Variants in NAALADL2 observed in about 807,000 individuals in gnomAD.
NAALADL2 encodes the protein N-acetylated alpha-linked acidic dipeptidase like 2, also known as inactive N-acetylated-alpha-linked acidic dipeptidase-like protein 2.
A neutral mutation model predicts 87.2 loss-of-function variants in NAALADL2; 76 were observed. That is an observed-to-expected ratio of 0.87 (90% CI 0.72 to 1.05). NAALADL2 has a LOEUF of 1.05. Among genes scored for constraint, NAALADL2 ranks in the 50% least tolerant of loss-of-function variants. NAALADL2 has a pLI of 0.00. For missense variants in NAALADL2, 1,089 were observed against 945.8 expected (o/e 1.15, Z -1.99); for synonymous variants, 354 against 331.0 (o/e 1.07, Z -0.75).
chr3:174,920,736 C>T (rs958883049), intron 1 of NAALADL2, among the ~76,000 whole-genome samples: 5 of 152,180 alleles, frequency 3.3e-5, no homozygotes. Flanking sequence ...TGGGTTTTGG[C>T]TTACCTTGAC....
At chr3:174,780,495 C>G (rs959294947) in intron 3 of NAALADL2, among the ~76,000 whole-genome samples, 2 of 152,130 alleles carry the variant, frequency 1.3e-5, no homozygotes, top group African/African-American at 4.8e-5. Flanking sequence ...CCTGATTGCC[C>G]TGGCCAGAAC....
intron 4 of NAALADL2, among the ~76,000 whole-genome samples, chr3:175,311,558 T>C (rs1758363600): frequency 6.6e-6 from 1 of 152,104 alleles, no homozygotes; most frequent in African/African-American, 2.4e-5. Flanking sequence ...GGAATCAGTA[T>C]ATCTTATGAA....
intron 1 of NAALADL2, among the ~76,000 whole-genome samples, chr3:175,059,196 C>CT (rs1712896426): frequency 6.6e-6 from 1 of 150,772 alleles, no homozygotes; most frequent in Admixed American, 6.6e-5. Context: ...TTATTCATCT[C>CT]TTTTTTCCCA....
intron 5 of NAALADL2, among the ~76,000 whole-genome samples, chr3:175,416,414 T>A (rs994407051): frequency 6.6e-6 from 1 of 152,192 alleles, no homozygotes; most frequent in Non-Finnish European, 1.5e-5. Flanking sequence ...TGAAGACTGC[T>A]ATTTGTTTTA....
intron 2 of NAALADL2, among the ~76,000 whole-genome samples, chr3:175,183,518 C>T (rs551531593): frequency 6.6e-6 from 1 of 152,028 alleles, no homozygotes; most frequent in African/African-American, 2.4e-5. Flanking sequence ...CCTTCTATAT[C>T]TAATTTGTTG....
intron 13 of NAALADL2, among the ~76,000 whole-genome samples, chr3:175,798,231 G>A (rs996856103): frequency 4.6e-5 from 7 of 151,984 alleles, no homozygotes; most frequent in South Asian, 4.2e-4. Context: ...GTGAAAAAAC[G>A]TATTTCTACT....
intron 1 of NAALADL2, among the ~76,000 whole-genome samples, chr3:175,025,135 A>G (rs767801848): frequency 2.0e-5 from 3 of 152,160 alleles, no homozygotes; most frequent in Non-Finnish European, 2.9e-5. Context: ...TAATCTGATT[A>G]TTTTTAAAAA....
chr3:175,174,928 CTTCTTGTACACTATTAGGAA>C (rs1735491446), intron 2 of NAALADL2, among the ~76,000 whole-genome samples: 1 of 151,916 alleles, frequency 6.6e-6, no homozygotes, highest in African/African-American at 2.4e-5. Context: ...GACCATTAAT[CTTCTTGTACACTATTAGGAA>C]CATATAGAGT....
At chr3:174,723,273 C>T (rs909138958) in intron 2 of NAALADL2, among the ~76,000 whole-genome samples, 1 of 151,980 alleles carries the variant, frequency 6.6e-6, no homozygotes, top group African/African-American at 2.4e-5. Context: ...CTTTCTGAGC[C>T]TATTTCTGAG....
intron 10 of NAALADL2, among the ~76,000 whole-genome samples, chr3:175,586,054 A>G (rs1343713739): frequency 1.3e-5 from 2 of 152,212 alleles, no homozygotes. Context: ...AATAAACTCC[A>G]GTAGGAAATG....
chr3:174,892,158 C>A (rs529540509), intron 1 of NAALADL2, among the ~76,000 whole-genome samples: 1 of 152,154 alleles, frequency 6.6e-6, no homozygotes, highest in South Asian at 2.1e-4. Flanking sequence ...CTTCAATATC[C>A]AGACACTGAA....
chr3:175,485,403 G>A (rs1727107877), intron 9 of NAALADL2, among the ~76,000 whole-genome samples: 1 of 152,134 alleles, frequency 6.6e-6, no homozygotes, highest in African/African-American at 2.4e-5. Flanking sequence ...ACGATCACAA[G>A]GTATTAGTCC....
At chr3:175,013,100 A>ATG (rs1174317066) in intron 1 of NAALADL2, among the ~76,000 whole-genome samples, 1 of 4,192 alleles carries the variant, frequency 2.4e-4, no homozygotes, top group Non-Finnish European at 5.1e-4. Context: ...ATATATAAAT[A>ATG]TACATATTTA....
chr3:175,246,180 C>T (rs1747938953), intron 3 of NAALADL2, among the ~76,000 whole-genome samples: 1 of 152,126 alleles, frequency 6.6e-6, no homozygotes, highest in Admixed American at 6.5e-5. Flanking sequence ...CGTGGATAAT[C>T]ACTGTGATTT....
chr3:174,820,451 TGTTTA>T (rs1721293365), intron 3 of NAALADL2, among the ~76,000 whole-genome samples: 2 of 152,218 alleles, frequency 1.3e-5, no homozygotes, highest in East Asian at 3.8e-4. Context: ...AGAATTTCTA[TGTTTA>T]TAGTATATAC....
chr3:174,575,046 G>A (rs1361583370), intron 2 of NAALADL2, among the ~76,000 whole-genome samples: 1 of 152,028 alleles, frequency 6.6e-6, no homozygotes, highest in African/African-American at 2.4e-5. Flanking sequence ...TGTAATGGCT[G>A]TGTCATAGGG....
intron 5 of NAALADL2, among the ~76,000 whole-genome samples, chr3:175,332,695 T>C (rs545999838): frequency 6.6e-6 from 1 of 152,330 alleles, no homozygotes; most frequent in South Asian, 2.1e-4. Flanking sequence ...ATGAGAAGAA[T>C]GTGTTTTCTG....
At chr3:174,826,280 G>A (rs1250146685) in intron 3 of NAALADL2, among the ~76,000 whole-genome samples, 1 of 152,188 alleles carries the variant, frequency 6.6e-6, no homozygotes, top group Non-Finnish European at 1.5e-5. Flanking sequence ...AGGACAGGTG[G>A]CAGTAGAGAT....
In NAALADL2 at chr3:174,443,979, AG is replaced by A. The variant is rs1194816190; in HGVS notation, c.-184+2949del. Among the ~76,000 whole-genome samples, 3 of 152,092 alleles carry A rather than the reference AG, an allele frequency of 2.0e-5. 1 individual carries two copies. The highest frequency in any genetic ancestry group is 7.2e-5 in the African/African-American group (3 of 41,434). On this transcript the variant is annotated intron_variant, in intron 1 of 3. Coordinates refer to the NAALADL2 transcript ENST00000434257. ...TGACAGAGTAGAAAGACATTGAAGA[AG>A]GTGATGGTATACATCACTTGAATAT... is the stretch of plus-strand genomic sequence containing the variant.
Sources: gnomAD v4.1 joint callset for allele counts (sites outside exome capture counted in the v4.1 genomes callset) on GRCh38, gnomAD v4.1.1 for gene constraint, MANE v1.5 for transcripts, NCBI Gene and HGNC (gene_info 2026-07-23, HGNC 2026-07-21) for gene names.